HEATR5A: variants seen among roughly 807,000 people sequenced by gnomAD.
The protein encoded by HEATR5A is HEAT repeat-containing protein 5A.
HEATR5A carries 178 observed loss-of-function variants against 218.8 expected under a neutral mutation model. That is an observed-to-expected ratio of 0.81 (90% confidence interval 0.72 to 0.92). The LOEUF (loss-of-function observed/expected upper bound fraction) is 0.92, where lower values mean the gene tolerates loss of function less well. Among genes scored for constraint, HEATR5A ranks in the 40% least tolerant of loss-of-function variants. HEATR5A has a pLI of 0.00. For synonymous variants in HEATR5A, 864 were observed against 871.6 expected (o/e 0.99, Z 0.15); for missense variants, 2,420 against 2,418.9 (o/e 1.00, Z -0.01).
intron 33 of HEATR5A, among the ~76,000 whole-genome samples, chr14:31,298,144 A>C (rs1357473240): frequency 6.6e-6 from 1 of 152,200 alleles, no homozygotes; most frequent in Non-Finnish European, 1.5e-5. Flanking sequence ...AGCCCTGGCC[A>C]ACACCTTAAC....
intron 22 of HEATR5A, among the ~76,000 whole-genome samples, chr14:31,333,808 G>T (rs1256233678): frequency 6.6e-6 from 1 of 151,430 alleles, no homozygotes; most frequent in Non-Finnish European, 1.5e-5. Context: ...GAGGCAGGTG[G>T]ATCACTTGAG....
At position 31,388,886 on chromosome 14, in the gene HEATR5A, T is replaced by C. The variant is rs750166262; in HGVS notation, c.892A>G (p.Thr298Ala). ...CGAACATCCCTACTGACTGAACTGG[T>C]TCCTTTCAGCATATCTCCACTGGCT... is the stretch of plus-strand genomic sequence containing the variant. ...LRASGDMLKG[T>A]SSVSRDVRVG... Residue 298 changes from threonine to alanine, a missense_variant, in exon 7 of 36, where the codon ACC becomes GCC. Coordinates refer to ENST00000543095, the MANE Select transcript of HEATR5A (RefSeq NM_015473.4). 14 of 1,613,794 alleles carry C rather than the reference T, an allele frequency of 8.7e-6. No individual in the cohort carries two copies. Among genetic ancestry groups the C allele is most frequent in the South Asian group, 2.2e-5 (2 of 91,082 alleles).
chr14:31,403,137 A>C (rs2030938350), intron 1 of HEATR5A, 88 bp from the exon 2 acceptor site: 1 of 622,426 alleles, frequency 1.6e-6, no homozygotes, highest in South Asian at 2.5e-5. Flanking sequence ...AACATAATTA[A>C]ATGTATACAT....
intron 25 of HEATR5A, among the ~76,000 whole-genome samples, chr14:31,319,855 C>A (rs183662277): frequency 6.6e-6 from 1 of 151,994 alleles, no homozygotes; most frequent in Non-Finnish European, 1.5e-5. Context: ...GACCAGCCTG[C>A]GCAACATGGT....
chr14:31,383,406 T>G (rs1316513732), intron 10 of HEATR5A, 115 bp downstream of exon 10: 1 of 940,554 alleles, frequency 1.1e-6, no homozygotes, highest in Non-Finnish European at 1.6e-6. Flanking sequence ...TGTACTTATA[T>G]GGCAGGGCTA....
chr14:31,295,829 C>G, intron 34 of HEATR5A, 80 bp downstream of exon 34: 1 of 1,128,514 alleles, frequency 8.9e-7, no homozygotes, highest in Non-Finnish European at 1.3e-6. Flanking sequence ...CCTATTGGAG[C>G]CAACAAAATC....
chr14:31,410,862 C>T (rs983003577), intron 1 of HEATR5A, among the ~76,000 whole-genome samples: 1 of 152,094 alleles, frequency 6.6e-6, no homozygotes, highest in African/African-American at 2.4e-5. Context: ...AAATGAAATT[C>T]AAACTTAGGA....
chr14:31,400,312 A>G lies in HEATR5A; in HGVS notation c.327T>C (p.Leu109=), dbSNP rs1430229132. The change falls in exon 3 of 36, where the codon CTT becomes CTC. Residue 109 remains leucine (L), a synonymous_variant. Transcript: ENST00000543095. ...IRSKDDSPSY[L]PTKLAAVVCL... ...AATGTTTCACTTACAGCTTAGTGGG[A>G]AGATAACTTGGAGAATCATCTTTGC... 1 of 1,532,258 alleles carries G rather than the reference A, an allele frequency of 6.5e-7. No homozygotes were observed. Among genetic ancestry groups the G allele is most frequent in the East Asian group, 2.4e-5 (1 of 40,868 alleles). 94.9% of individuals were successfully genotyped at this position (1,532,258 alleles called of 1,614,324 possible). A position where few individuals can be genotyped will look rare whatever the true frequency, so the allele number is the denominator to read the frequency against.
chr14:31,378,861 G>A (rs1383902471), intron 11 of HEATR5A, among the ~76,000 whole-genome samples: 1 of 151,270 alleles, frequency 6.6e-6, no homozygotes, highest in African/African-American at 2.4e-5. Context: ...TCTAATTTAA[G>A]CTCCTTTAGG....
At position 31,294,002 on chromosome 14, in the gene HEATR5A, T is replaced by C; in HGVS notation, c.5722A>G (p.Lys1908Glu). 1 of 1,605,812 alleles carries C rather than the reference T, an allele frequency of 6.2e-7. No individual in the cohort carries two copies. Among genetic ancestry groups the C allele is most frequent in the Non-Finnish European group, 8.5e-7 (1 of 1,175,864 alleles). Residue 1908 changes from lysine (K) to glutamate (E), a missense_variant, in exon 35 of 36, where the codon AAA becomes GAA. Physicochemically the swap from Lys to Glu is moderately conservative, Grantham distance 56 (BLOSUM62 1). Transcript: ENST00000543095. ...IYSLASCIMEKLQEIDKRKPE... is the reference protein window; with the variant it reads ...IYSLASCIMEELQEIDKRKPE... ...TTTCTCTTGTCTATTTCCTGCAGTT[T>C]TTCCATGATACAGGATGCTAAAGAG...
chr14:31,333,031 T>C (rs1248820253), intron 22 of HEATR5A, among the ~76,000 whole-genome samples: 1 of 151,454 alleles, frequency 6.6e-6, no homozygotes, highest in Non-Finnish European at 1.5e-5. Context: ...TTGAGCCTGA[T>C]GCAGAGCAAG....
At chr14:31,390,209 G>A (rs2030397231) in intron 6 of HEATR5A, among the ~76,000 whole-genome samples, 1 of 152,148 alleles carries the variant, frequency 6.6e-6, no homozygotes, top group African/African-American at 2.4e-5. Context: ...AGACAGGTCA[G>A]AGTGTAAGGA....
chr14:31,371,291 T>C (rs1017171512), intron 13 of HEATR5A, among the ~76,000 whole-genome samples: 2 of 152,174 alleles, frequency 1.3e-5, no homozygotes, highest in Non-Finnish European at 2.9e-5. Context: ...TTATTATACC[T>C]TATAAGCCAT....
chr14:31,313,275 G>T, intron 27 of HEATR5A, 85 bp from the exon 28 acceptor site: 2 of 998,422 alleles, frequency 2.0e-6, no homozygotes, highest in Non-Finnish European at 3.1e-6. Flanking sequence ...TGAAGAGGCA[G>T]ACTTACCTTT....
At chr14:31,357,938 C>G (rs531809078) in intron 16 of HEATR5A, among the ~76,000 whole-genome samples, 32 of 152,152 alleles carry the variant, frequency 2.1e-4, no homozygotes, top group African/African-American at 7.7e-4. Context: ...TTGGGCCGCA[C>G]AGCAGGAGGT....
Position 31,293,268 on chromosome 14 carries a change from TTATTA to T in HEATR5A, c.*32_*36del, listed in dbSNP as rs1195055002. 8 of 1,466,744 alleles carry T rather than the reference TTATTA, an allele frequency of 5.5e-6. No individual in the cohort carries two copies. Among genetic ancestry groups the T allele is most frequent in the African/African-American group, 1.4e-5 (1 of 70,280 alleles). 90.9% of individuals were successfully genotyped at this position (1,466,744 alleles called of 1,614,324 possible). On this transcript the variant is annotated 3_prime_UTR_variant, in exon 36 of 36. Coordinates refer to ENST00000543095, the MANE Select transcript of HEATR5A (RefSeq NM_015473.4). ...GTCACCAAAGGCAATGATCAAGTAT[TTATTA>T]TATTAAGGTGCTTACTATTCCAAAA...
chr14:31,319,866 A>G (rs1213217311), intron 25 of HEATR5A, among the ~76,000 whole-genome samples: 1 of 152,098 alleles, frequency 6.6e-6, no homozygotes, highest in Admixed American at 6.6e-5. Context: ...GCAACATGGT[A>G]AAACCCTGTC....
chr14:31,325,523 T>C (rs1385889675), intron 23 of HEATR5A, among the ~76,000 whole-genome samples: 1 of 151,710 alleles, frequency 6.6e-6, no homozygotes, highest in Admixed American at 6.6e-5. Flanking sequence ...TATGTATGTA[T>C]GTAGAGACAG....
intron 16 of HEATR5A, among the ~76,000 whole-genome samples, chr14:31,356,468 C>G (rs1483655600): frequency 1.3e-5 from 2 of 152,154 alleles, no homozygotes; most frequent in African/African-American, 2.4e-5. Flanking sequence ...CTGTTGGGCT[C>G]AAGCAATTTG....
Sources: allele counts gnomAD v4.1 joint callset (sites outside exome capture counted in the v4.1 genomes callset), GRCh38; gene constraint gnomAD v4.1.1; transcripts MANE v1.5; gene names NCBI Gene and HGNC (gene_info 2026-07-23, HGNC 2026-07-21).